The following DCC variants were observed in gnomAD, a reference collection of about 807,000 sequenced individuals.
The protein encoded by DCC is DCC netrin 1 receptor.
In DCC, 58 loss-of-function variants were observed where a neutral mutation model predicts 172.5. The ratio of observed to expected loss-of-function variants is 0.34; its 90% CI spans 0.27 to 0.42. DCC has a LOEUF of 0.42. Among genes scored for constraint, DCC ranks in the 10% least tolerant of loss-of-function variants. DCC has a pLI of 1.00. For synonymous variants in DCC, 709 were observed against 644.5 expected (o/e 1.10, Z -1.52); for missense variants, 1,740 against 1,791.0 (o/e 0.97, Z 0.51).
At chr18:53,171,150 G>C (rs943976418) in intron 8 of DCC, among the ~76,000 whole-genome samples, 3 of 152,186 alleles carry the variant, frequency 2.0e-5, no homozygotes, top group African/African-American at 7.2e-5. Context: ...CTCCCAAAGT[G>C]CTGGGATTAC....
intron 1 of DCC, among the ~76,000 whole-genome samples, chr18:52,594,086 T>A (rs1340068875): frequency 6.6e-6 from 1 of 152,184 alleles, no homozygotes; most frequent in Admixed American, 6.5e-5. Flanking sequence ...TTTCTTCTAT[T>A]CTTTTACTCG....
At chr18:53,192,646 A>G (rs1253557997) in intron 9 of DCC, among the ~76,000 whole-genome samples, 1 of 152,214 alleles carries the variant, frequency 6.6e-6, no homozygotes, top group Non-Finnish European at 1.5e-5. Context: ...GTGCCCATTA[A>G]TAGAAGTAGG....
intron 5 of DCC, among the ~76,000 whole-genome samples, chr18:52,967,088 C>A (rs937533517): frequency 6.6e-6 from 1 of 152,148 alleles, no homozygotes; most frequent in South Asian, 2.1e-4. Flanking sequence ...TGAATTGACA[C>A]ATTTCCTTTT....
intron 2 of DCC, among the ~76,000 whole-genome samples, chr18:52,814,996 G>C (rs1050070466): frequency 1.3e-5 from 2 of 152,050 alleles, no homozygotes; most frequent in Non-Finnish European, 2.9e-5. Flanking sequence ...AATGGATGGA[G>C]AGAAATCAAA....
intron 15 of DCC, among the ~76,000 whole-genome samples, chr18:53,351,512 T>TATAA (rs1354016223): frequency 2.5e-5 from 3 of 120,522 alleles, no homozygotes; most frequent in African/African-American, 9.3e-5. Flanking sequence ...TATATATATA[T>TATAA]AATTGGAATA....
chr18:53,118,651 G>A (rs1234318316), intron 7 of DCC, among the ~76,000 whole-genome samples: 2 of 151,702 alleles, frequency 1.3e-5, no homozygotes, highest in African/African-American at 4.8e-5. Context: ...TATACATTAA[G>A]TCCTTTATGT....
intron 1 of DCC, among the ~76,000 whole-genome samples, chr18:52,384,815 T>A (rs942110130): frequency 4.6e-5 from 7 of 152,158 alleles, no homozygotes; most frequent in African/African-American, 7.2e-5. Flanking sequence ...ACTACTTCAC[T>A]GCATTCATAT....
At chr18:52,576,161 A>G (rs62083387) in intron 1 of DCC, among the ~76,000 whole-genome samples, 4 of 152,266 alleles carry the variant, frequency 2.6e-5, no homozygotes, top group South Asian at 2.1e-4. Flanking sequence ...AAGATACCGG[A>G]AAAAGAAATC....
chr18:52,977,119 T>A (rs1030468233), intron 5 of DCC, among the ~76,000 whole-genome samples: 2 of 152,128 alleles, frequency 1.3e-5, no homozygotes, highest in African/African-American at 4.8e-5. Context: ...AAAATCTCCT[T>A]TTCTGTGTTT....
At chr18:53,249,589 A>G (rs966436784) in intron 12 of DCC, among the ~76,000 whole-genome samples, 1 of 151,878 alleles carries the variant, frequency 6.6e-6, no homozygotes, top group Non-Finnish European at 1.5e-5. Flanking sequence ...TGTTGTACCA[A>G]ATTTGATTCT....
At chr18:53,299,773 A>G (rs2057111016) in intron 12 of DCC, among the ~76,000 whole-genome samples, 1 of 152,202 alleles carries the variant, frequency 6.6e-6, no homozygotes, top group Admixed American at 6.5e-5. Flanking sequence ...TAAGCAGAAA[A>G]GAATGTCCTC....
At chr18:53,217,855 A>G (rs1335168398) in intron 12 of DCC, among the ~76,000 whole-genome samples, 1 of 151,510 alleles carries the variant, frequency 6.6e-6, no homozygotes, top group Non-Finnish European at 1.5e-5. Context: ...TATTTTTTTT[A>G]TTCTTTAGAG....
intron 5 of DCC, among the ~76,000 whole-genome samples, chr18:53,000,422 A>G (rs2041546299): frequency 1.3e-5 from 2 of 151,486 alleles, no homozygotes; most frequent in Admixed American, 1.3e-4. Flanking sequence ...TTGGGAAACA[A>G]CTCCCTGCAA....
At chr18:52,990,908 C>G (rs1439558722) in intron 5 of DCC, among the ~76,000 whole-genome samples, 1 of 147,644 alleles carries the variant, frequency 6.8e-6, no homozygotes, top group Non-Finnish European at 1.5e-5. Context: ...CATGCATGAG[C>G]CAATCAATTA....
intron 1 of DCC, among the ~76,000 whole-genome samples, chr18:52,660,725 T>G (rs2035343251): frequency 6.6e-6 from 1 of 152,248 alleles, no homozygotes; most frequent in Non-Finnish European, 1.5e-5. Context: ...CCTTTTACCA[T>G]GAGACAAATA....
intron 2 of DCC, among the ~76,000 whole-genome samples, chr18:52,864,892 G>A (rs1315747759): frequency 1.3e-5 from 2 of 151,590 alleles, no homozygotes; most frequent in East Asian, 3.9e-4. Flanking sequence ...TTGAGACGGA[G>A]TCTCACTCTG....
intron 9 of DCC, among the ~76,000 whole-genome samples, chr18:53,180,598 C>A (rs935934721): frequency 3.7e-4 from 56 of 152,164 alleles, no homozygotes; most frequent in Non-Finnish European, 5.6e-4. Flanking sequence ...TGTTGCTGTA[C>A]TGATTTAAAT....
At chr18:52,838,986 T>C (rs1354255422) in intron 2 of DCC, among the ~76,000 whole-genome samples, 2 of 152,182 alleles carry the variant, frequency 1.3e-5, no homozygotes, top group African/African-American at 4.8e-5. Context: ...GTTATTTTTA[T>C]TTAGTAGAAG....
At chr18:52,349,628 G>A (rs1305083175) in intron 1 of DCC, among the ~76,000 whole-genome samples, 4 of 152,148 alleles carry the variant, frequency 2.6e-5, no homozygotes, top group African/African-American at 9.7e-5. Context: ...CAATTCATCT[G>A]AGATAGTCCT....
Sources: allele counts gnomAD v4.1 joint callset (sites outside exome capture counted in the v4.1 genomes callset), GRCh38; gene constraint gnomAD v4.1.1; transcripts MANE v1.5; gene names NCBI Gene and HGNC (gene_info 2026-07-23, HGNC 2026-07-21).